CFAP221: variants seen among roughly 807,000 people sequenced by gnomAD.
CFAP221 encodes cilia- and flagella-associated protein 221.
Under a neutral mutation model 113.1 loss-of-function variants are expected in CFAP221, and 97 were observed. The ratio of observed to expected loss-of-function variants is 0.86; its 90% CI spans 0.73 to 1.02. The LOEUF (loss-of-function observed/expected upper bound fraction) is 1.02, where lower values mean the gene tolerates loss of function less well. Among genes scored for constraint, CFAP221 ranks in the 50% least tolerant of loss-of-function variants. The pLI, the probability that CFAP221 is intolerant of heterozygous loss-of-function variation, is 0.00. For synonymous variants in CFAP221, 331 were observed against 354.4 expected (o/e 0.93, Z 0.74); for missense variants, 1,025 against 1,013.4 (o/e 1.01, Z -0.16).
intron 8 of CFAP221, chr2:119,602,829 A>G (rs922427472): frequency 5.2e-6 from 5 of 959,306 alleles, no homozygotes; most frequent in African/African-American, 1.8e-5. Context: ...TCTTAAAGAC[A>G]TAACATGAGT....
intron 13 of CFAP221, among the ~76,000 whole-genome samples, chr2:119,614,339 T>C (rs184396876): frequency 1.6e-4 from 24 of 152,330 alleles, no homozygotes; most frequent in African/African-American, 5.8e-4. Context: ...ATTTTTATAG[T>C]AGCACCCCAC....
chr2:119,607,577 A>C (rs966873513), intron 11 of CFAP221, among the ~76,000 whole-genome samples: 1 of 152,226 alleles, frequency 6.6e-6, no homozygotes, highest in African/African-American at 2.4e-5. Flanking sequence ...TAGTAAATCC[A>C]CAATGTTGCA....
chr2:119,580,395 C>T (rs1267324879), intron 6 of CFAP221: 1 of 152,174 alleles, frequency 6.6e-6, no homozygotes, highest in African/African-American at 2.4e-5. Flanking sequence ...AGGCCTATAC[C>T]CTATTGGGGA....
intron 12 of CFAP221, 88 bp downstream of exon 12, chr2:119,608,677 C>A: frequency 8.7e-7 from 1 of 1,143,088 alleles, no homozygotes; most frequent in Non-Finnish European, 1.3e-6. Context: ...GGAGGAAAAC[C>A]CACAGTTAAG....
At chr2:119,570,881 C>A (rs1681993744) in intron 6 of CFAP221, among the ~76,000 whole-genome samples, 1 of 152,116 alleles carries the variant, frequency 6.6e-6, no homozygotes, top group Non-Finnish European at 1.5e-5. Context: ...ATTTTCATTT[C>A]TCTTGGTAAA....
chr2:119,601,420 T>A, intron 8 of CFAP221, 43 bp downstream of exon 8: 1 of 1,437,746 alleles, frequency 7.0e-7, no homozygotes, highest in South Asian at 1.5e-5. Context: ...TTAACCCTTT[T>A]TTGAAAATCC....
At chr2:119,652,872 T>C (rs545670901) in intron 23 of CFAP221, among the ~76,000 whole-genome samples, 1 of 150,186 alleles carries the variant, frequency 6.7e-6, no homozygotes, top group Non-Finnish European at 1.5e-5. Flanking sequence ...AAATTTTAAA[T>C]ATGATAAAAA....
chr2:119,578,811 T>C (rs1682636339), intron 6 of CFAP221, among the ~76,000 whole-genome samples: 1 of 152,208 alleles, frequency 6.6e-6, no homozygotes, highest in Non-Finnish European at 1.5e-5. Context: ...AACTAGCCTC[T>C]TCACCCCCCT....
intron 14 of CFAP221, among the ~76,000 whole-genome samples, chr2:119,615,950 C>A (rs1423539997): frequency 2.0e-5 from 3 of 152,212 alleles, no homozygotes; most frequent in Admixed American, 2.0e-4. Flanking sequence ...TTCAGTCACT[C>A]TCCACTCCCT....
intron 3 of CFAP221, among the ~76,000 whole-genome samples, chr2:119,553,410 C>T (rs1427570822): frequency 2.0e-5 from 3 of 152,150 alleles, no homozygotes; most frequent in African/African-American, 4.8e-5. Context: ...ACGTAAGGAA[C>T]GTGCATGTGA....
intron 6 of CFAP221, among the ~76,000 whole-genome samples, chr2:119,569,812 G>C (rs887383998): frequency 6.6e-6 from 1 of 151,996 alleles, no homozygotes; most frequent in Non-Finnish European, 1.5e-5. Flanking sequence ...CTTCATTTCT[G>C]TTATTATGTT....
At chr2:119,595,447 ATTG>A (rs551580425) in intron 7 of CFAP221, among the ~76,000 whole-genome samples, 13 of 151,376 alleles carry the variant, frequency 8.6e-5, no homozygotes, top group African/African-American at 3.2e-4. Flanking sequence ...TCTTTTCCTT[ATTG>A]TTTTGTGATT....
intron 3 of CFAP221, among the ~76,000 whole-genome samples, chr2:119,550,833 A>G (rs1298942583): frequency 6.6e-6 from 1 of 152,180 alleles, no homozygotes; most frequent in African/African-American, 2.4e-5. Flanking sequence ...AACCATTGCC[A>G]CAATCTAAGT....
At chr2:119,575,025 T>C (rs1247700047) in intron 6 of CFAP221, among the ~76,000 whole-genome samples, 2 of 152,182 alleles carry the variant, frequency 1.3e-5, no homozygotes, top group East Asian at 3.8e-4. Context: ...AACTGGCAGC[T>C]GGGGATCCTG....
chr2:119,571,209 C>T (rs1416815555), intron 6 of CFAP221, among the ~76,000 whole-genome samples: 7 of 137,346 alleles, frequency 5.1e-5, no homozygotes, highest in Non-Finnish European at 7.6e-5. Flanking sequence ...GGTGCAATCT[C>T]GGCTCACTCA....
At chr2:119,600,612 A>C (rs1684296453) in intron 7 of CFAP221, among the ~76,000 whole-genome samples, 1 of 152,256 alleles carries the variant, frequency 6.6e-6, no homozygotes, top group African/African-American at 2.4e-5. Flanking sequence ...TTTAATGAAA[A>C]AGCTACATAA....
In CFAP221 at chr2:119,638,327, T is replaced by C. The variant is rs1687241094; in HGVS notation, c.2043T>C (p.His681=). The change falls in exon 20 of 24, where the codon CAT becomes CAC. Residue 681 remains histidine, a synonymous_variant. Transcript: ENST00000413369. ...ATGCAGAAACGTTGATAGATTACCATCTATGCTCTCACCCCAAGTACAAAT... is the reference window on the plus strand; with the variant it reads ...ATGCAGAAACGTTGATAGATTACCACCTATGCTCTCACCCCAAGTACAAAT... ...LTYAETLIDY[H]LCSHPKYKFT... 1 of 1,614,056 alleles carries C rather than the reference T, an allele frequency of 6.2e-7. No homozygotes were observed. The highest frequency in any genetic ancestry group is 8.5e-7 in the Non-Finnish European group (1 of 1,179,892).
At chr2:119,622,643 A>T (rs2104737175) in intron 14 of CFAP221, among the ~76,000 whole-genome samples, 1 of 151,134 alleles carries the variant, frequency 6.6e-6, no homozygotes. Flanking sequence ...AACCAAATCC[A>T]GGAGCACATC....
At chr2:119,595,418 TC>T (rs2104643069) in intron 7 of CFAP221, among the ~76,000 whole-genome samples, 1 of 152,360 alleles carries the variant, frequency 6.6e-6, no homozygotes, top group South Asian at 2.1e-4. Flanking sequence ...AGATTTTTTT[TC>T]CTTACCATTT....
Sources: gnomAD v4.1 joint callset for allele counts (sites outside exome capture counted in the v4.1 genomes callset) on GRCh38, gnomAD v4.1.1 for gene constraint, MANE v1.5 for transcripts, NCBI Gene and HGNC (gene_info 2026-07-23, HGNC 2026-07-21) for gene names.